The following ST7L variants were observed in gnomAD, a reference collection of about 807,000 sequenced individuals.
The protein encoded by ST7L is suppression of tumorigenicity 7 like.
A neutral mutation model predicts 72.5 loss-of-function variants in ST7L; 57 were observed. That is an observed-to-expected ratio of 0.79 (90% CI 0.64 to 0.98). The LOEUF is 0.98. Among genes scored for constraint, ST7L ranks in the 50% least tolerant of loss-of-function variants. The pLI is 0.00. For missense variants in ST7L, 576 were observed against 672.2 expected (o/e 0.86, Z 1.58); for synonymous variants, 221 against 240.9 (o/e 0.92, Z 0.77).
chr1:112,554,051 T>C (rs1000811110), intron 12 of ST7L, among the ~76,000 whole-genome samples: 1 of 152,180 alleles, frequency 6.6e-6, no homozygotes, highest in Admixed American at 6.5e-5. Context: ...CATTGAAAAT[T>C]AAAAATGTTC....
At chr1:112,578,554 T>C in intron 9 of ST7L, 137 bp from the exon 10 acceptor site, 1 of 729,746 alleles carries the variant, frequency 1.4e-6, no homozygotes, top group Non-Finnish European at 2.4e-6. Flanking sequence ...GGCGGGTGGA[T>C]CATGAGGTCA....
At chr1:112,587,404 C>T (rs959178323) in intron 6 of ST7L, among the ~76,000 whole-genome samples, 1 of 152,164 alleles carries the variant, frequency 6.6e-6, no homozygotes, top group African/African-American at 2.4e-5. Flanking sequence ...GAGTTCAAGA[C>T]CAGCCTGGCC....
chr1:112,557,950 G>C (rs1659471574), intron 11 of ST7L, among the ~76,000 whole-genome samples: 1 of 152,110 alleles, frequency 6.6e-6, no homozygotes, highest in Non-Finnish European at 1.5e-5. Context: ...TATAACAAAA[G>C]CAGTGTAATC....
intron 11 of ST7L, among the ~76,000 whole-genome samples, chr1:112,561,803 A>C (rs1331575179): frequency 1.3e-5 from 2 of 151,874 alleles, no homozygotes; most frequent in Admixed American, 1.3e-4. Context: ...GTTGTATGAT[A>C]TCATATTTAA....
chr1:112,590,179 AACAG>A (rs138397628), intron 6 of ST7L, among the ~76,000 whole-genome samples: 117 of 152,336 alleles, frequency 7.7e-4, no homozygotes, highest in African/African-American at 2.7e-3. Flanking sequence ...TCAGAAAGCC[AACAG>A]ACAGGTCAAA....
At chr1:112,608,519 T>C (rs1668611233) in intron 3 of ST7L, among the ~76,000 whole-genome samples, 1 of 152,216 alleles carries the variant, frequency 6.6e-6, no homozygotes, top group Non-Finnish European at 1.5e-5. Context: ...TTTATTTATA[T>C]CTGTATCCTC....
At chr1:112,585,615 C>T (rs1412888257) in intron 6 of ST7L, among the ~76,000 whole-genome samples, 3 of 151,548 alleles carry the variant, frequency 2.0e-5, no homozygotes, top group Non-Finnish European at 4.4e-5. Flanking sequence ...TGCCTGTAGT[C>T]CTAGCTACTT....
chr1:112,608,103 C>G (rs1164247172), intron 3 of ST7L, among the ~76,000 whole-genome samples: 5 of 152,292 alleles, frequency 3.3e-5, no homozygotes, highest in African/African-American at 1.2e-4. Context: ...TCACTGCAGC[C>G]TCAAACTCCT....
chr1:112,609,996 GT>G (rs775440885), intron 3 of ST7L, among the ~76,000 whole-genome samples: 9 of 151,874 alleles, frequency 5.9e-5, no homozygotes, highest in Admixed American at 2.0e-4. Context: ...GGCTGTTTCT[GT>G]TCTCTCCTTT....
chr1:112,602,020 G>T (rs1251936265), intron 3 of ST7L, among the ~76,000 whole-genome samples: 1 of 150,546 alleles, frequency 6.6e-6, no homozygotes, highest in Non-Finnish European at 1.5e-5. Flanking sequence ...GGAGGCGGAG[G>T]TTGCAGTGGA....
At chr1:112,555,194 T>C (rs1658896272) in intron 12 of ST7L, among the ~76,000 whole-genome samples, 1 of 149,666 alleles carries the variant, frequency 6.7e-6, no homozygotes, top group African/African-American at 2.5e-5. Flanking sequence ...AATAGTTTCA[T>C]ATTGTATACA....
intron 5 of ST7L, among the ~76,000 whole-genome samples, chr1:112,596,837 A>C (rs982201159): frequency 1.2e-4 from 18 of 152,104 alleles, no homozygotes; most frequent in Non-Finnish European, 2.1e-4. Flanking sequence ...GGGTTTTACC[A>C]TGTTGACCAG....
intron 2 of ST7L, among the ~76,000 whole-genome samples, chr1:112,614,941 AT>A (rs770334706): frequency 1.6e-4 from 25 of 152,166 alleles, no homozygotes; most frequent in Admixed American, 7.2e-4. Context: ...AAAATATTTT[AT>A]TTTTTTTAAA....
chr1:112,583,823 G>A (rs1287206135), intron 7 of ST7L, 149 bp downstream of exon 7: 2 of 842,640 alleles, frequency 2.4e-6, no homozygotes, highest in African/African-American at 3.5e-5. Context: ...CTGTCTTGCT[G>A]GCTTGTAGGT....
At chr1:112,597,382 T>C (rs978372271) in intron 5 of ST7L, among the ~76,000 whole-genome samples, 1 of 152,154 alleles carries the variant, frequency 6.6e-6, no homozygotes, top group Non-Finnish European at 1.5e-5. Context: ...TGTAATGAGT[T>C]TGAGGTTACT....
At chr1:112,559,703 G>A (rs1293304537) in intron 11 of ST7L, among the ~76,000 whole-genome samples, 4 of 152,048 alleles carry the variant, frequency 2.6e-5, no homozygotes, top group Non-Finnish European at 4.4e-5. Flanking sequence ...TTCCTTGGCT[G>A]GGCGCAGTGG....
At chr1:112,607,214 G>C (rs1327884806) in intron 3 of ST7L, 2 of 152,072 alleles carry the variant, frequency 1.3e-5, no homozygotes, top group African/African-American at 4.8e-5. Flanking sequence ...GGAAGTGTAA[G>C]AGGAAGGGAA....
intron 6 of ST7L, among the ~76,000 whole-genome samples, chr1:112,589,949 T>C (rs1322897544): frequency 2.0e-5 from 3 of 152,342 alleles, no homozygotes; most frequent in East Asian, 1.9e-4. Flanking sequence ...TTCCTCAAAG[T>C]GTCTAATTCC....
At chr1:112,598,793 CA>C (rs1666878724) in intron 4 of ST7L, among the ~76,000 whole-genome samples, 1 of 151,566 alleles carries the variant, frequency 6.6e-6, no homozygotes, top group Non-Finnish European at 1.5e-5. Flanking sequence ...GTGGCTCACG[CA>C]CGCCTTAATC....
Sources: allele counts gnomAD v4.1 joint callset (sites outside exome capture counted in the v4.1 genomes callset), GRCh38; gene constraint gnomAD v4.1.1; transcripts MANE v1.5; gene names NCBI Gene and HGNC (gene_info 2026-07-23, HGNC 2026-07-21).